The following UNC79 variants were observed in gnomAD, a reference collection of about 807,000 sequenced individuals.
The protein encoded by UNC79 is unc-79 subunit of NALCN channel complex.
Under a neutral mutation model 283.1 loss-of-function variants are expected in UNC79, and 37 were observed. The ratio of observed to expected loss-of-function variants is 0.13; its 90% confidence interval spans 0.10 to 0.17. The LOEUF (loss-of-function observed/expected upper bound fraction) is 0.17. UNC79 is among the 10% of genes least tolerant of loss of function. The probability of loss-of-function intolerance (pLI) is 1.00; values close to 1 mark genes in which losing one functional copy is unlikely to be tolerated. For missense variants in UNC79, 2,272 were observed against 3,211.1 expected, an observed-to-expected ratio of 0.71 and a Z score of 7.07; for synonymous variants, 1,107 against 1,200.2, an observed-to-expected ratio of 0.92 and a Z score of 1.61.
chr14:93,543,226 G>A (rs2061453825), intron 14 of UNC79, among the ~76,000 whole-genome samples: 1 of 151,344 alleles, frequency 6.6e-6, no homozygotes, highest in African/African-American at 2.4e-5. Flanking sequence ...ACAGGTTAAT[G>A]GTAGAAGTCC....
chr14:93,477,471 C>T (rs2057868729), intron 3 of UNC79, 87 bp from the exon 4 acceptor site: 4 of 1,134,276 alleles, frequency 3.5e-6, no homozygotes, highest in South Asian at 3.4e-5. Flanking sequence ...TAACTTAAAC[C>T]AGTTCATTAA....
At chr14:93,395,491 T>A (rs964747284) in intron 1 of UNC79, among the ~76,000 whole-genome samples, 1 of 152,024 alleles carries the variant, frequency 6.6e-6, no homozygotes, top group African/African-American at 2.4e-5. Context: ...ACATGCCAGA[T>A]CTAATGAGAA....
chr14:93,601,285 G>C (rs915975601), intron 25 of UNC79, among the ~76,000 whole-genome samples: 2 of 146,174 alleles, frequency 1.4e-5, no homozygotes, highest in Non-Finnish European at 3.0e-5. Context: ...CCCAAATTCC[G>C]TTCTGTCATT....
chr14:93,520,785 ATCC>A (rs918452298), intron 7 of UNC79, among the ~76,000 whole-genome samples: 7 of 151,900 alleles, frequency 4.6e-5, no homozygotes, highest in African/African-American at 1.7e-4. Flanking sequence ...TCCCATCTCT[ATCC>A]TCATTATGCC....
intron 1 of UNC79, among the ~76,000 whole-genome samples, chr14:93,415,056 T>C (rs1422799433): frequency 6.6e-6 from 1 of 152,180 alleles, no homozygotes; most frequent in Non-Finnish European, 1.5e-5. Flanking sequence ...TCCAACACTA[T>C]GTTGAATAGG....
At chr14:93,594,314 G>C (rs1451139114) in intron 23 of UNC79, among the ~76,000 whole-genome samples, 2 of 152,060 alleles carry the variant, frequency 1.3e-5, no homozygotes, top group African/African-American at 4.8e-5. Context: ...GTGTTGTCCA[G>C]GCTGAAGTGC....
chr14:93,400,450 T>A (rs537747485), intron 1 of UNC79, among the ~76,000 whole-genome samples: 1 of 152,076 alleles, frequency 6.6e-6, no homozygotes, highest in African/African-American at 2.4e-5. Context: ...AATTAGCAGA[T>A]AAGTGCCACA....
intron 4 of UNC79, among the ~76,000 whole-genome samples, chr14:93,481,481 G>A (rs1381859737): frequency 6.6e-6 from 1 of 152,066 alleles, no homozygotes; most frequent in Non-Finnish European, 1.5e-5. Context: ...TGATAATAAA[G>A]CTGAACAATT....
intron 1 of UNC79, among the ~76,000 whole-genome samples, chr14:93,415,065 G>A (rs1416075234): frequency 6.6e-6 from 1 of 152,158 alleles, no homozygotes; most frequent in Non-Finnish European, 1.5e-5. Flanking sequence ...ATGTTGAATA[G>A]GAGTGGTGAG....
chr14:93,430,109 A>T (rs756684814), upstream of UNC79, among the ~76,000 whole-genome samples: 11 of 152,024 alleles, frequency 7.2e-5, no homozygotes, highest in Non-Finnish European at 1.6e-4. This position sits in a 1 kb window ranked among gnomAD's most constrained non-coding sequence, Gnocchi z 4.6. Flanking sequence ...GGGGCTTCCT[A>T]ATGTGTCCCT....
At chr14:93,675,430 A>G (rs1417214022) in intron 41 of UNC79, among the ~76,000 whole-genome samples, 1 of 152,058 alleles carries the variant, frequency 6.6e-6, no homozygotes, top group Non-Finnish European at 1.5e-5. Context: ...GGAGTTTACA[A>G]TTTAGCAATT....
intron 17 of UNC79, among the ~76,000 whole-genome samples, chr14:93,575,662 C>T (rs564840812): frequency 4.2e-4 from 64 of 152,084 alleles, no homozygotes; most frequent in Non-Finnish European, 7.1e-4. Context: ...ATTTTATTGA[C>T]CCCTTTGCAT....
intron 4 of UNC79, among the ~76,000 whole-genome samples, chr14:93,486,675 A>G (rs368166479): frequency 1.5e-4 from 22 of 148,104 alleles, no homozygotes; most frequent in East Asian, 5.8e-4. Context: ...AAAAAAAAAA[A>G]AAAGAAAGAA....
intron 1 of UNC79, among the ~76,000 whole-genome samples, chr14:93,356,581 TCTTCAGTAC>T (rs1441056912): frequency 6.6e-6 from 1 of 152,228 alleles, no homozygotes; most frequent in Non-Finnish European, 1.5e-5. Context: ...GTTTTGCAGT[TCTTCAGTAC>T]CTTCAAGGAG....
chr14:93,664,828 T>C (rs936219352), intron 40 of UNC79, among the ~76,000 whole-genome samples: 9 of 152,052 alleles, frequency 5.9e-5, no homozygotes, highest in African/African-American at 2.2e-4. Context: ...AGAAGCAAGA[T>C]CAAAACAAGC....
exon 12 of UNC79, chr14:93,538,087 C>T: frequency 6.2e-7 from 1 of 1,614,208 alleles, no homozygotes; most frequent in Non-Finnish European, 8.5e-7. Context: ...GCAAGAGGTG[C>T]CACTCAAATC....
Position 93,586,746 on chromosome 14 carries a change from G to A in UNC79, c.2884-14G>A. On this transcript the variant is annotated splice_polypyrimidine_tract_variant and intron_variant, in intron 21 of 48. Coordinates refer to ENST00000555664, the Ensembl canonical transcript of UNC79. ...GTTTTGGATAACTTAGTAACCATGT[G>A]GTTTTTTGTATAGGAAATGGCTAAG... 3 of 1,613,102 alleles carry A rather than the reference G, an allele frequency of 1.9e-6. No homozygotes were observed. Among genetic ancestry groups the A allele is most frequent in the Non-Finnish European group, 2.5e-6 (3 of 1,179,736 alleles).
At chr14:93,496,190 A>G (rs918873325) in intron 5 of UNC79, among the ~76,000 whole-genome samples, 2 of 152,216 alleles carry the variant, frequency 1.3e-5, no homozygotes, top group Admixed American at 6.5e-5. Context: ...CATTGTTAAC[A>G]TGAAGCATGA....
chr14:93,482,233 G>A (rs1305630686), intron 4 of UNC79, among the ~76,000 whole-genome samples: 4 of 152,006 alleles, frequency 2.6e-5, no homozygotes. Flanking sequence ...CCATCTGCTG[G>A]GGCTTGGCAA....
Sources: allele counts gnomAD v4.1 joint callset (sites outside exome capture counted in the v4.1 genomes callset), GRCh38; gene constraint gnomAD v4.1.1; non-coding constraint Gnocchi (gnomAD v3.1); transcripts MANE v1.5; gene names NCBI Gene and HGNC (gene_info 2026-07-23, HGNC 2026-07-21).